Variants in ADCY9 observed in about 807,000 individuals in gnomAD.
ADCY9 encodes adenylate cyclase type 9.
A neutral mutation model predicts 101.5 loss-of-function variants in ADCY9; 50 were observed. The ratio of observed to expected loss-of-function variants is 0.49; its 90% confidence interval spans 0.39 to 0.62. ADCY9 has a LOEUF of 0.62. ADCY9 is among the 20% of genes least tolerant of loss of function. The probability of loss-of-function intolerance (pLI) is 0.00; values close to 1 mark genes in which losing one functional copy is unlikely to be tolerated. For missense variants in ADCY9, 1,662 were observed against 1,800.4 expected, an observed-to-expected ratio of 0.92 and a Z score of 1.39; for synonymous variants, 905 against 769.3, an observed-to-expected ratio of 1.18 and a Z score of -2.92.
intron 7 of ADCY9, among the ~76,000 whole-genome samples, chr16:3,981,618 G>C (rs1334458549): frequency 2.0e-5 from 3 of 152,068 alleles, no homozygotes; most frequent in African/African-American, 7.2e-5. Context: ...TTTTGAGATG[G>C]AGTTTTGCTC....
At chr16:4,008,571 C>CA (rs1029929317) in intron 2 of ADCY9, among the ~76,000 whole-genome samples, 2 of 141,530 alleles carry the variant, frequency 1.4e-5, no homozygotes, top group Non-Finnish European at 3.1e-5. Flanking sequence ...AGGGTCCCTT[C>CA]TTTTTTTTTT....
rs2057021431 is a variant in ADCY9, at chr16:4,098,299, G to A, written c.1693+15451C>T. ...TCTGTCACCCAGGCTGGAATGTAGT[G>A]GTGCAATCTCAGCAACCTCTGCCTC... On this transcript the variant is annotated intron_variant, in intron 2 of 10. Transcript: ENST00000294016. Among the ~76,000 whole-genome samples, 3 of 151,682 alleles carry A rather than the reference G, an allele frequency of 2.0e-5. No homozygotes were observed. The Middle Eastern group carries it at 0.01, about 516-fold the overall frequency.
intron 2 of ADCY9, among the ~76,000 whole-genome samples, chr16:4,073,237 G>A (rs1218174349): frequency 6.6e-6 from 1 of 151,360 alleles, no homozygotes; most frequent in Non-Finnish European, 1.5e-5. Context: ...TGGAACTACA[G>A]GCATGCGCCA....
At position 3,979,265 on chromosome 16, in the gene ADCY9, A is replaced by G; in HGVS notation, c.2530T>C (p.Phe844Leu). The change falls in exon 8 of 11, where the codon TTC (phenylalanine) becomes CTC (leucine). Residue 844 changes from phenylalanine to leucine, a missense_variant. Physicochemically the swap from Phe to Leu is conservative, Grantham distance 22 (BLOSUM62 0). This residue lies in a region of ADCY9 where 624 missense variants were observed against 639.1 expected (regional missense o/e 0.98). Coordinates refer to ENST00000294016, the MANE Select transcript of ADCY9 (RefSeq NM_001116.4). Reference protein sequence around the residue: ...SLAVSIRMVFFLEDVMACTKR... With the variant: ...SLAVSIRMVFLLEDVMACTKR... Reference sequence around the variant, plus strand: ...GTGCAGGCCATGACGTCCTCCAGGAAGAACACCATCCTGCGAGAGGCATGG... The same window carrying G: ...GTGCAGGCCATGACGTCCTCCAGGAGGAACACCATCCTGCGAGAGGCATGG... 6.2e-7 allele frequency: 1 copy of G among 1,613,830 alleles called. No homozygotes were observed. The highest frequency in any genetic ancestry group is 8.5e-7 in the Non-Finnish European group (1 of 1,179,934).
At position 4,115,438 on chromosome 16, in the gene ADCY9, G is replaced by A; in HGVS notation, c.5C>T (p.Ala2Val). M[A>V]SPPHQQLLHH... ...CAGCAGCTGCTGGTGGGGTGGGGAA[G>A]CCATGTTGTCGAGTCCCGGGGCCTG... The change falls in exon 2 of 11, where the codon GCT (alanine) becomes GTT (valine). Residue 2 changes from alanine (A) to valine (V), a missense_variant. This residue lies in a region of ADCY9 where 422 missense variants were observed against 392.0 expected (regional missense o/e 1.08). Coordinates refer to ENST00000294016, the MANE Select transcript of ADCY9 (RefSeq NM_001116.4). This position sits in a 1 kb window ranked among gnomAD's most constrained non-coding sequence, Gnocchi z 6.2. 2 of 1,546,094 alleles carry A rather than the reference G, an allele frequency of 1.3e-6. No homozygotes were observed. The highest frequency in any genetic ancestry group is 1.7e-6 in the Non-Finnish European group (2 of 1,145,322).
chr16:4,074,677 A>C (rs1332597901), intron 2 of ADCY9, among the ~76,000 whole-genome samples: 3 of 138,162 alleles, frequency 2.2e-5, no homozygotes, highest in Non-Finnish European at 4.6e-5. Context: ...CGATCATGCC[A>C]TTGTACCCCA....
At chr16:3,959,525 C>T (rs1008373930), downstream of ADCY9, among the ~76,000 whole-genome samples, 1 of 152,106 alleles carries the variant, frequency 6.6e-6, no homozygotes, top group African/African-American at 2.4e-5. Context: ...ATTTAACAAC[C>T]TAGGTAAATT....
intron 2 of ADCY9, among the ~76,000 whole-genome samples, chr16:4,089,601 T>C (rs1453296269): frequency 6.6e-6 from 1 of 152,044 alleles, no homozygotes; most frequent in African/African-American, 2.4e-5. Context: ...AGGAGTGGCA[T>C]GGCTGGGCCC....
chr16:3,993,644 C>A lies in ADCY9; in HGVS notation c.1885-134G>T, dbSNP rs1340194108. 3.6e-6 allele frequency: 4 copies of A among 1,109,934 alleles called. No homozygotes were observed. The African/African-American group carries it at 6.2e-5, about 17-fold the overall frequency. 68.8% of individuals were successfully genotyped at this position (1,109,934 alleles called of 1,614,324 possible). A position where few individuals can be genotyped will look rare whatever the true frequency, so the allele number is the denominator to read the frequency against. ...CAAGGGGAAGGCACACAGAACCGCTCGGGGATGAGCTGAAAGCCAACGGGC... is the reference window on the plus strand; with the variant it reads ...CAAGGGGAAGGCACACAGAACCGCTAGGGGATGAGCTGAAAGCCAACGGGC... On this transcript the variant is annotated intron_variant, in intron 3 of 10. Transcript: ENST00000294016.
chr16:4,079,398 G>A (rs1176051231), intron 2 of ADCY9, among the ~76,000 whole-genome samples: 4 of 151,986 alleles, frequency 2.6e-5, no homozygotes, highest in South Asian at 4.2e-4. Context: ...TTGAAACCCC[G>A]TCTCTACTAA....
intron 2 of ADCY9, among the ~76,000 whole-genome samples, chr16:4,014,939 C>CTTTTT (rs578260761): frequency 0.14 from 13,201 of 93,094 alleles, 1,804 homozygotes; most frequent in Admixed American, 0.21. Context: ...CTGTTTTGGC[C>CTTTTT]TTTTTTTTTT....
chr16:3,968,090 T>C (rs1208591585), intron 10 of ADCY9, among the ~76,000 whole-genome samples: 2 of 152,240 alleles, frequency 1.3e-5, no homozygotes, highest in East Asian at 3.8e-4. Flanking sequence ...TTTCCCTATG[T>C]AACTACAATA....
At chr16:4,079,072 G>A (rs1371984844) in intron 2 of ADCY9, among the ~76,000 whole-genome samples, 1 of 152,110 alleles carries the variant, frequency 6.6e-6, no homozygotes, top group Admixed American at 6.6e-5. Context: ...GCAAAGTGCT[G>A]CCAATTAAAC....
At chr16:4,103,214 G>C (rs1055392631) in intron 2 of ADCY9, among the ~76,000 whole-genome samples, 2 of 152,206 alleles carry the variant, frequency 1.3e-5, no homozygotes, top group East Asian at 1.9e-4. Context: ...GCGTGTTTGG[G>C]TGGCACATAC....
intron 10 of ADCY9, among the ~76,000 whole-genome samples, chr16:3,972,234 C>CTTTTT: frequency 6.9e-6 from 1 of 144,610 alleles, no homozygotes; most frequent in Non-Finnish European, 1.5e-5. Context: ...TTTTTCTTTT[C>CTTTTT]TTTTTTTTTT....
At chr16:3,959,362 CAAAAAAAA>C (rs71133675), downstream of ADCY9, among the ~76,000 whole-genome samples, 1 of 133,550 alleles carries the variant, frequency 7.5e-6, no homozygotes, top group Non-Finnish European at 1.6e-5. Context: ...ACTCTTATCT[CAAAAAAAA>C]AAAAAAAAAA....
chr16:3,962,402 T>C (rs2055945534), downstream of ADCY9, among the ~76,000 whole-genome samples: 1 of 152,196 alleles, frequency 6.6e-6, no homozygotes, highest in Non-Finnish European at 1.5e-5. Flanking sequence ...TTTTATTGTT[T>C]AAAAAATTCT....
chr16:3,990,420 G>A (rs981426491), intron 5 of ADCY9, among the ~76,000 whole-genome samples: 2 of 151,380 alleles, frequency 1.3e-5, no homozygotes, highest in Non-Finnish European at 2.9e-5. Context: ...GAGCCAAGAT[G>A]GCGCCACTGC....
At chr16:4,018,282 C>G (rs147927267) in intron 2 of ADCY9, among the ~76,000 whole-genome samples, 1,666 of 150,026 alleles carry the variant, frequency 0.011, 24 homozygotes, top group African/African-American at 0.039. Context: ...GGCATGATCT[C>G]GGCTCACTGC....
Sources: gnomAD v4.1 joint callset for allele counts (sites outside exome capture counted in the v4.1 genomes callset) on GRCh38, gnomAD v4.1.1 for gene constraint, gnomAD v4.1.1 regional missense constraint, Gnocchi (gnomAD v3.1) non-coding constraint, MANE v1.5 for transcripts, NCBI Gene and HGNC (gene_info 2026-07-23, HGNC 2026-07-21) for gene names.